The following ADAMTSL1 variants were observed in gnomAD, a reference collection of about 807,000 sequenced individuals.
ADAMTSL1 encodes ADAMTS-like protein 1.
A neutral mutation model predicts 201.8 loss-of-function variants in ADAMTSL1; 126 were observed. The observed-to-expected ratio is 0.62, with a 90% CI of 0.54 to 0.72. The LOEUF (loss-of-function observed/expected upper bound fraction) is 0.72. ADAMTSL1 is among the 30% of genes least tolerant of loss of function. The probability of loss-of-function intolerance (pLI) is 0.00; values close to 1 mark genes in which losing one functional copy is unlikely to be tolerated. For missense variants in ADAMTSL1, 2,679 were observed against 2,277.8 expected (o/e 1.18, Z -3.59); for synonymous variants, 1,121 against 903.4 (o/e 1.24, Z -4.32).
chr9:18,715,674 T>C (rs377080364), intron 14 of ADAMTSL1, among the ~76,000 whole-genome samples: 2 of 152,232 alleles, frequency 1.3e-5, no homozygotes, highest in East Asian at 1.9e-4. Context: ...AGGTAATTTA[T>C]AGTTTCAATG....
At chr9:18,419,945 G>C (rs34847515) in intron 2 of ADAMTSL1, among the ~76,000 whole-genome samples, 1,819 of 152,090 alleles carry the variant, frequency 0.012, 34 homozygotes, top group Admixed American at 0.043. Context: ...GGTCAGGCTG[G>C]TCTTGAACTC....
chr9:18,133,225 C>T (rs1046268519), intron 1 of ADAMTSL1, among the ~76,000 whole-genome samples: 1 of 152,116 alleles, frequency 6.6e-6, no homozygotes, highest in Admixed American at 6.6e-5. Context: ...GAGTTGGGAT[C>T]AGACTCTCCT....
intron 14 of ADAMTSL1, among the ~76,000 whole-genome samples, chr9:18,714,975 T>A (rs1832834833): frequency 1.5e-5 from 2 of 131,016 alleles, no homozygotes; most frequent in South Asian, 5.3e-4. Flanking sequence ...ATCCAGCATA[T>A]AAACAGAACC....
rs570014911 is a variant in ADAMTSL1, at chr9:18,875,187, T to G, written c.4250-12644T>G. On this transcript the variant is annotated intron_variant, in intron 23 of 28. Coordinates refer to ENST00000380548, the MANE Select transcript of ADAMTSL1 (RefSeq NM_001040272.6). ...TTAACCCACTAATGGTCTATCAGTT[T>G]TGTTTCATCTTTTTAAAGAAACAGC... Among the ~76,000 whole-genome samples the G allele has an allele frequency of 3.3e-5, 5 of 152,308 alleles. No homozygotes were observed. The East Asian group carries it at 9.6e-4, about 29-fold the overall frequency.
At position 18,332,385 on chromosome 9, in the gene ADAMTSL1, G is replaced by T. The variant is rs146527415; in HGVS notation, c.207+168404G>T. On this transcript the variant is annotated intron_variant, in intron 2 of 29. Transcript: ENST00000680146. ...ATAAGGAGTGAAAAATTATCTGCAT[G>T]CCCCATTTTATCACATAGTTTGAGT... Among the ~76,000 whole-genome samples the T allele has an allele frequency of 2.0e-5, 3 of 152,232 alleles. No homozygotes were observed. The East Asian group carries it at 5.8e-4, about 29-fold the overall frequency.
At chr9:18,515,226 G>A (rs1165731346) in intron 2 of ADAMTSL1, among the ~76,000 whole-genome samples, 1 of 152,176 alleles carries the variant, frequency 6.6e-6, no homozygotes, top group African/African-American at 2.4e-5. Flanking sequence ...TGTGTATCCA[G>A]AGTTTAAAAT....
At chr9:18,838,049 G>T (rs1432562144) in intron 23 of ADAMTSL1, among the ~76,000 whole-genome samples, 1 of 151,562 alleles carries the variant, frequency 6.6e-6, no homozygotes, top group Non-Finnish European at 1.5e-5. Flanking sequence ...CCGAGACTGG[G>T]AAGAAGAAGA....
intron 1 of ADAMTSL1, among the ~76,000 whole-genome samples, chr9:18,040,363 C>T (rs1821380026): frequency 6.6e-6 from 1 of 152,130 alleles, no homozygotes. Context: ...TGTTTCTGAT[C>T]TTAAGTGGTG....
At chr9:18,246,363 G>A (rs1191972360) in intron 2 of ADAMTSL1, among the ~76,000 whole-genome samples, 1 of 151,992 alleles carries the variant, frequency 6.6e-6, no homozygotes, top group Admixed American at 6.6e-5. Flanking sequence ...ATACTGAAAG[G>A]CCAATGTGTA....
chr9:18,170,633 T>C (rs1827847210), intron 2 of ADAMTSL1, among the ~76,000 whole-genome samples: 1 of 151,950 alleles, frequency 6.6e-6, no homozygotes, highest in Non-Finnish European at 1.5e-5. Context: ...CAGATTTAAA[T>C]AAGAGAAAGA....
At chr9:18,242,804 T>C (rs1831120200) in intron 2 of ADAMTSL1, among the ~76,000 whole-genome samples, 1 of 151,944 alleles carries the variant, frequency 6.6e-6, no homozygotes, top group African/African-American at 2.4e-5. Context: ...AGGTGAACAA[T>C]CTCTACACTG....
chr9:18,061,951 T>C (rs7856072), intron 1 of ADAMTSL1, among the ~76,000 whole-genome samples: 94,880 of 151,752 alleles, frequency 0.63, 29,896 homozygotes, highest in African/African-American at 0.7. Flanking sequence ...AAAGACCACA[T>C]GGTGTTTGTT....
At chr9:18,186,202 T>G (rs898783086) in intron 2 of ADAMTSL1, among the ~76,000 whole-genome samples, 2 of 152,128 alleles carry the variant, frequency 1.3e-5, no homozygotes, top group Non-Finnish European at 1.5e-5. Flanking sequence ...CATAGGCTGG[T>G]TTTTCCTTAG....
intron 23 of ADAMTSL1, among the ~76,000 whole-genome samples, chr9:18,836,134 G>C (rs1825295502): frequency 6.6e-6 from 1 of 152,126 alleles, no homozygotes; most frequent in African/African-American, 2.4e-5. Flanking sequence ...CAGTATAAAA[G>C]CATTCCCTTT....
chr9:18,853,265 A>G (rs1463984744), intron 23 of ADAMTSL1, among the ~76,000 whole-genome samples: 1 of 152,222 alleles, frequency 6.6e-6, no homozygotes, highest in Non-Finnish European at 1.5e-5. Flanking sequence ...AGGTGGAGCC[A>G]ATTTATTAAG....
intron 2 of ADAMTSL1, among the ~76,000 whole-genome samples, chr9:18,419,642 A>T (rs1036424120): frequency 2.0e-5 from 3 of 152,110 alleles, no homozygotes; most frequent in Non-Finnish European, 4.4e-5. Context: ...GACACACTAC[A>T]TGTGATACCT....
At chr9:18,673,310 A>C (rs995160274) in intron 9 of ADAMTSL1, among the ~76,000 whole-genome samples, 2 of 152,186 alleles carry the variant, frequency 1.3e-5, no homozygotes. Context: ...GTGTAGTGAA[A>C]GGCTAGGGCC....
intron 2 of ADAMTSL1, among the ~76,000 whole-genome samples, chr9:18,505,896 A>G (rs1486274690): frequency 1.3e-5 from 2 of 152,218 alleles, no homozygotes; most frequent in South Asian, 2.1e-4. Flanking sequence ...TCTTGAAATC[A>G]GCGTCTGAGC....
chr9:18,334,713 T>C lies in ADAMTSL1; in HGVS notation c.208-170116T>C, dbSNP rs543870653. Reference sequence around the variant, plus strand: ...CAACAAATAGAGTCTGTTATCAATTTAGGTCACCAGTCTGGGACTTGGAAA... The same window carrying C: ...CAACAAATAGAGTCTGTTATCAATTCAGGTCACCAGTCTGGGACTTGGAAA... On this transcript the variant is annotated intron_variant, in intron 2 of 29. Coordinates refer to the ADAMTSL1 transcript ENST00000680146. Among the ~76,000 whole-genome samples the C allele has an allele frequency of 4.7e-4, 71 of 152,280 alleles. No homozygotes were observed. In the South Asian group the frequency reaches 0.013, roughly 28 times the overall value.
Sources: gnomAD v4.1 joint callset for allele counts (sites outside exome capture counted in the v4.1 genomes callset) on GRCh38, gnomAD v4.1.1 for gene constraint, MANE v1.5 for transcripts, NCBI Gene and HGNC (gene_info 2026-07-23, HGNC 2026-07-21) for gene names.